The following COBL variants were observed in gnomAD, a reference collection of about 807,000 sequenced individuals.
COBL encodes the protein cordon-bleu WH2 repeat protein, also known as protein cordon-bleu.
A neutral mutation model predicts 98.8 loss-of-function variants in COBL; 51 were observed. That is an observed-to-expected ratio of 0.52 (90% CI 0.41 to 0.65). The LOEUF (loss-of-function observed/expected upper bound fraction) is 0.65, where lower values mean the gene tolerates loss of function less well. Ranked by LOEUF, COBL falls within the 30% of genes least tolerant of loss-of-function variation. COBL has a pLI of 0.00. For synonymous variants in COBL, 634 were observed against 651.7 expected (o/e 0.97, Z 0.41); for missense variants, 1,617 against 1,617.5 (o/e 1.00, Z 0.01).
chr7:51,137,817 A>G (rs976681639), intron 5 of COBL, among the ~76,000 whole-genome samples: 5 of 150,476 alleles, frequency 3.3e-5, no homozygotes, highest in Non-Finnish European at 7.4e-5. Context: ...GAATAGACAG[A>G]TGACCCTCTG....
chr7:51,260,120 G>A (rs1797587110), intron 1 of COBL: 4 of 1,447,602 alleles, frequency 2.8e-6, no homozygotes, highest in Non-Finnish European at 3.8e-6. Flanking sequence ...TCTTTTTCAG[G>A]AGATTTTCTG....
At chr7:51,222,192 A>AAATAAT (rs71018500) in intron 1 of COBL, among the ~76,000 whole-genome samples, 95,160 of 149,848 alleles carry the variant, frequency 0.64, 30,843 homozygotes, top group Admixed American at 0.72. Context: ...TCCGTCTCAA[A>AAATAAT]AATAATAATA....
At chr7:51,234,498 C>T (rs975513596) in intron 1 of COBL, among the ~76,000 whole-genome samples, 2 of 152,118 alleles carry the variant, frequency 1.3e-5, no homozygotes, top group African/African-American at 2.4e-5. Flanking sequence ...CTTAGGAGTT[C>T]GAGACCAGCC....
intron 2 of COBL, among the ~76,000 whole-genome samples, chr7:51,198,391 G>A (rs529671706): frequency 3.9e-5 from 6 of 152,212 alleles, no homozygotes; most frequent in Admixed American, 3.9e-4. Flanking sequence ...AGTCTCATGG[G>A]CTTCCCTTTA....
At position 51,027,709 on chromosome 7, in the gene COBL, C is replaced by T. The variant is rs769237056; in HGVS notation, c.3384+3G>A. On this transcript the variant is annotated splice_donor_region_variant and intron_variant, in intron 10 of 12. Coordinates refer to ENST00000265136, the MANE Select transcript of COBL (RefSeq NM_015198.5). The stretch of plus-strand genomic sequence containing the variant: ...GGCCTGCCCCGGAAGCCGCCATCCT[C>T]ACCTTGCGTAGTCTGTCCTTCCCTC... The T allele has an allele frequency of 6.2e-7, 1 of 1,607,762 alleles. No homozygotes were observed. Among genetic ancestry groups the T allele is most frequent in the South Asian group, 1.1e-5 (1 of 90,096 alleles).
chr7:51,116,748 G>A (rs1583848912), intron 6 of COBL, among the ~76,000 whole-genome samples: 1 of 152,036 alleles, frequency 6.6e-6, no homozygotes, highest in Admixed American at 6.6e-5. Context: ...CTTTTATGGA[G>A]GTCTAATGGC....
chr7:51,219,252 T>G (rs1423693357), intron 2 of COBL, among the ~76,000 whole-genome samples: 2 of 152,240 alleles, frequency 1.3e-5, no homozygotes, highest in Non-Finnish European at 2.9e-5. Flanking sequence ...GTTGGTTTAT[T>G]CCTTCATCTA....
At chr7:51,038,822 G>A (rs1788882648) in intron 8 of COBL, among the ~76,000 whole-genome samples, 1 of 152,254 alleles carries the variant, frequency 6.6e-6, no homozygotes, top group East Asian at 1.9e-4. Context: ...GGCCTTGCCA[G>A]CCAGACAGAG....
In COBL at chr7:51,136,183, G is replaced by A. The variant is rs769362197; in HGVS notation, c.932C>T (p.Pro311Leu). ...CTTTTCCGATGCCTTGTCTTGCACA[G>A]GTGGCCCTGAACCTGGAGGAGGAGG... Reference protein sequence around the residue: ...RAPPPPGSGPPVQDKASEKVS... With the variant: ...RAPPPPGSGPLVQDKASEKVS... The change falls in exon 6 of 13, where the codon CCT becomes CTT. Residue 311 changes from proline (P) to leucine (L), a missense_variant. Pro to Leu is a moderately conservative substitution (Grantham distance 98). Around this residue, in one of 3 missense-constraint regions of COBL, gnomAD observed 1,304 missense variants for 1,282.0 expected, o/e 1.02. Coordinates refer to ENST00000265136, the MANE Select transcript of COBL (RefSeq NM_015198.5). 6.2e-7 allele frequency: 1 copy of A among 1,612,594 alleles called. No homozygotes were observed. The highest frequency in any genetic ancestry group is 1.1e-5 in the South Asian group (1 of 90,996).
At position 51,115,167 on chromosome 7, in the gene COBL, TTC is replaced by T. The variant is rs147778916; in HGVS notation, c.957+20989_957+20990del. Among the ~76,000 whole-genome samples the T allele has an allele frequency of 7.9e-3, 1,183 of 150,132 alleles. 4 individuals carry two copies. Among genetic ancestry groups the T allele is most frequent in the Non-Finnish European group, 0.011 (779 of 68,028 alleles). On this transcript the variant is annotated intron_variant, in intron 6 of 12. Coordinates refer to ENST00000265136, the MANE Select transcript of COBL (RefSeq NM_015198.5). Reference sequence around the variant, plus strand: ...CTTTTAAAATTGATATTAATTTATGTTCTTTTTTCCCTGGATCAATCTAGATA... The same window carrying T: ...CTTTTAAAATTGATATTAATTTATGTTTTTTTCCCTGGATCAATCTAGATA...
intron 6 of COBL, among the ~76,000 whole-genome samples, chr7:51,122,047 C>A (rs1036831250): frequency 6.6e-6 from 1 of 152,174 alleles, no homozygotes; most frequent in Non-Finnish European, 1.5e-5. Context: ...AAACTGTCAA[C>A]GTGCAGGAGA....
chr7:51,121,741 T>C (rs1475167386), intron 6 of COBL, among the ~76,000 whole-genome samples: 2 of 152,338 alleles, frequency 1.3e-5, no homozygotes, highest in East Asian at 3.9e-4. Flanking sequence ...TTTAAAATCC[T>C]GATTTATATT....
intron 1 of COBL, among the ~76,000 whole-genome samples, chr7:51,241,659 G>A (rs913453475): frequency 2.0e-5 from 3 of 152,202 alleles, no homozygotes; most frequent in Admixed American, 1.3e-4. Flanking sequence ...AAATGAACAC[G>A]TATGGCAAGG....
chr7:51,158,890 G>C (rs1049220566), intron 5 of COBL, among the ~76,000 whole-genome samples: 4 of 152,060 alleles, frequency 2.6e-5, no homozygotes, highest in Admixed American at 2.0e-4. Flanking sequence ...GTGGGGGACA[G>C]GGAAGGCACA....
intron 5 of COBL, among the ~76,000 whole-genome samples, chr7:51,173,397 G>C (rs1030199999): frequency 2.6e-5 from 4 of 151,988 alleles, no homozygotes; most frequent in Non-Finnish European, 5.9e-5. Flanking sequence ...TGCCCAGGCT[G>C]TTCTCAAACC....
chr7:51,137,243 C>G (rs952747483), intron 5 of COBL, among the ~76,000 whole-genome samples: 1 of 152,160 alleles, frequency 6.6e-6, no homozygotes, highest in Non-Finnish European at 1.5e-5. Context: ...GAGACACTAC[C>G]TGGGTTTGAT....
At chr7:51,113,457 T>TA (rs1322988334) in intron 6 of COBL, among the ~76,000 whole-genome samples, 2 of 152,158 alleles carry the variant, frequency 1.3e-5, no homozygotes, top group Non-Finnish European at 2.9e-5. Context: ...TATCCTCTCT[T>TA]AAAAAACATT....
intron 6 of COBL, among the ~76,000 whole-genome samples, chr7:51,109,357 C>T (rs2128974734): frequency 6.6e-6 from 1 of 152,300 alleles, no homozygotes; most frequent in African/African-American, 2.4e-5. Context: ...ATTTCAGCTC[C>T]AACTGGTTCT....
intron 6 of COBL, among the ~76,000 whole-genome samples, chr7:51,122,893 C>A (rs994167145): frequency 6.6e-6 from 1 of 151,770 alleles, no homozygotes; most frequent in Non-Finnish European, 1.5e-5. Context: ...GCAGGAGAAT[C>A]GCTTGAACCC....
Sources: gnomAD v4.1 joint callset for allele counts (sites outside exome capture counted in the v4.1 genomes callset) on GRCh38, gnomAD v4.1.1 for gene constraint, gnomAD v4.1.1 regional missense constraint, MANE v1.5 for transcripts, NCBI Gene and HGNC (gene_info 2026-07-23, HGNC 2026-07-21) for gene names.